Variants in PACS2 observed in about 807,000 individuals in gnomAD.
PACS2 encodes the protein PACS1-like protein.
PACS2 carries 36 observed loss-of-function variants against 113.0 expected under a neutral mutation model. The ratio of observed to expected loss-of-function variants is 0.32; its 90% CI spans 0.24 to 0.42. The LOEUF is 0.42. Among genes scored for constraint, PACS2 ranks in the 10% least tolerant of loss-of-function variants. PACS2 has a pLI of 1.00. For synonymous variants in PACS2, 589 were observed against 536.1 expected (o/e 1.10, Z -1.36); for missense variants, 1,015 against 1,239.5 (o/e 0.82, Z 2.72).
In PACS2 at chr14:105,384,368, C is replaced by T; in HGVS notation, c.1796C>T (p.Ala599Val). 6.2e-7 allele frequency: 1 copy of T among 1,610,310 alleles called. No individual in the cohort carries two copies. Among genetic ancestry groups the T allele is most frequent in the Non-Finnish European group, 8.5e-7 (1 of 1,178,368 alleles). ...TGGCATGCAGGCTCCCACCCCGTGG[C>T]CAGGTACCTAGGCTCCGTGGACTAC... ...LVIPLGSHPV[A>V]RYLGSVDYRY... Residue 599 changes from alanine to valine, a missense_variant, in exon 17 of 25, where the codon GCC (alanine) becomes GTC (valine). Ala to Val is a moderately conservative substitution (Grantham distance 64). Coordinates refer to ENST00000447393, the MANE Select transcript of PACS2 (RefSeq NM_001100913.3).
upstream of PACS2, among the ~76,000 whole-genome samples, chr14:105,312,389 G>C (rs2058372020): frequency 6.6e-6 from 1 of 152,224 alleles, no homozygotes; most frequent in African/African-American, 2.4e-5. Context: ...GGTAGGACCA[G>C]CTTTCAGGTT....
intron 8 of PACS2, among the ~76,000 whole-genome samples, chr14:105,373,681 G>C (rs968765700): frequency 1.3e-5 from 2 of 152,028 alleles, no homozygotes; most frequent in African/African-American, 4.8e-5. Flanking sequence ...CCAGCTACTC[G>C]GAAGGCTGAG....
upstream of PACS2, among the ~76,000 whole-genome samples, chr14:105,313,638 C>T (rs1228792988): frequency 1.3e-5 from 2 of 152,214 alleles, no homozygotes; most frequent in East Asian, 3.8e-4. Context: ...TGGCAAGCCC[C>T]GTGGGCCAGG....
intron 1 of PACS2, among the ~76,000 whole-genome samples, chr14:105,335,096 G>A (rs1248376913): frequency 6.6e-6 from 1 of 152,254 alleles, no homozygotes; most frequent in East Asian, 1.9e-4. Context: ...CCTGATGACT[G>A]GACCCAGCCT....
intron 4 of PACS2, among the ~76,000 whole-genome samples, chr14:105,362,430 A>G (rs1311646653): frequency 6.6e-6 from 1 of 151,072 alleles, no homozygotes; most frequent in African/African-American, 2.5e-5. Context: ...AAAAAAAAAA[A>G]GAAAAGAAAA....
chr14:105,390,927 T>C, intron 20 of PACS2: 1 of 508,840 alleles, frequency 2.0e-6, no homozygotes, highest in Non-Finnish European at 3.5e-6. Context: ...CTGTTTTTAC[T>C]GCACACATAG....
rs1555405418 is a variant in PACS2, at chr14:105,356,914, A to G, written c.423+1737A>G. Among the ~76,000 whole-genome samples, 1 of 132,852 alleles carries G rather than the reference A, an allele frequency of 7.5e-6. No homozygotes were observed. The highest frequency in any genetic ancestry group is 1.5e-5 in the Non-Finnish European group (1 of 65,062). The allele number at this position is 132,852 out of a possible 152,430, so 87.2% of individuals were successfully genotyped here. Reference sequence around the variant, plus strand: ...ATCCCTGCTGGTCCCTGTGTTTCCCATTAGCCATGCAGGCGATGTCCTGCT... The same window carrying G: ...ATCCCTGCTGGTCCCTGTGTTTCCCGTTAGCCATGCAGGCGATGTCCTGCT... On this transcript the variant is annotated intron_variant, in intron 4 of 24. Coordinates refer to ENST00000447393, the MANE Select transcript of PACS2 (RefSeq NM_001100913.3). The surrounding 1 kb of genome is among the most constrained non-coding windows in gnomAD (Gnocchi z 4.0).
In PACS2 at chr14:105,367,196, G is replaced by A. The variant is rs782626237; in HGVS notation, c.424-17G>A. 10 of 1,610,608 alleles carry A rather than the reference G, an allele frequency of 6.2e-6. No homozygotes were observed. The highest frequency in any genetic ancestry group is 2.2e-5 in the South Asian group (2 of 91,024). ...TCCCGTCGTGCTGCTTTCTAGAACCGTGCCCCTGGCCTGCAGGTGATGCAA... is the reference window on the plus strand; with the variant it reads ...TCCCGTCGTGCTGCTTTCTAGAACCATGCCCCTGGCCTGCAGGTGATGCAA... On this transcript the variant is annotated splice_polypyrimidine_tract_variant and intron_variant, in intron 4 of 24. Coordinates refer to ENST00000447393, the MANE Select transcript of PACS2 (RefSeq NM_001100913.3).
intron 9 of PACS2, among the ~76,000 whole-genome samples, 178 bp from the exon 10 acceptor site, chr14:105,379,561 C>T (rs1555411359): frequency 6.6e-6 from 1 of 152,198 alleles, no homozygotes; most frequent in East Asian, 1.9e-4. Context: ...ATTCTGTGCC[C>T]TGTGCTGCAG....
chr14:105,360,829 G>A (rs940521099), intron 4 of PACS2, among the ~76,000 whole-genome samples: 4 of 152,168 alleles, frequency 2.6e-5, no homozygotes, highest in South Asian at 2.1e-4. Flanking sequence ...CTCAAACCCC[G>A]TTGCTGCGTT....
chr14:105,364,196 G>T (rs1021009487), intron 4 of PACS2, among the ~76,000 whole-genome samples: 3 of 152,198 alleles, frequency 2.0e-5, no homozygotes, highest in Non-Finnish European at 2.9e-5. Context: ...CTTGATGCAG[G>T]GTTGCCAAAA....
intron 1 of PACS2, among the ~76,000 whole-genome samples, chr14:105,339,566 C>T (rs587693356): frequency 8.1e-5 from 12 of 148,242 alleles, no homozygotes; most frequent in African/African-American, 3.0e-4. Flanking sequence ...TGTGGTGGCT[C>T]ATGCCTGCAA....
intron 4 of PACS2, among the ~76,000 whole-genome samples, chr14:105,359,373 T>C (rs1282620914): frequency 2.0e-5 from 3 of 151,900 alleles, no homozygotes; most frequent in African/African-American, 7.3e-5. Flanking sequence ...AGTGGCGCGA[T>C]CTCAGTTCAC....
At chr14:105,309,776 C>CT (rs928875653), upstream of PACS2, among the ~76,000 whole-genome samples, 2,576 of 89,236 alleles carry the variant, frequency 0.029, 216 homozygotes, top group East Asian at 0.047. The surrounding 1 kb of genome is among the most constrained non-coding windows in gnomAD (Gnocchi z 4.0). Flanking sequence ...TGATGTGTGT[C>CT]TTTTTTTTTT....
Position 105,348,726 on chromosome 14 carries a change from G to C in PACS2, c.207+146G>C, listed in dbSNP as rs2060037375. 4.5e-6 allele frequency: 3 copies of C among 664,652 alleles called. No individual in the cohort carries two copies. The highest frequency in any genetic ancestry group is 8.1e-6 in the Non-Finnish European group (3 of 370,622). The allele number at this position is 664,652 out of a possible 1,614,324, so 41.2% of individuals were successfully genotyped here. ...CCATCTCCGGGAGCCCGGGGGGCTG[G>C]GAATGACAGGATGCTCCTGGGTCCA... On this transcript the variant is annotated intron_variant, in intron 2 of 24. Coordinates refer to ENST00000447393, the MANE Select transcript of PACS2 (RefSeq NM_001100913.3). This position sits in a 1 kb window ranked among gnomAD's most constrained non-coding sequence, Gnocchi z 6.4.
rs1555413169 is a variant in PACS2, at chr14:105,384,870, C to T, written c.1892-9C>T. On this transcript the variant is annotated splice_polypyrimidine_tract_variant and intron_variant, in intron 17 of 24. Transcript: ENST00000447393. ...CAGCCTAACCCCCCACCGCCTCCTCCCCCTGCAGTACAGGACACGCCAGAC... is the reference window on the plus strand; with the variant it reads ...CAGCCTAACCCCCCACCGCCTCCTCTCCCTGCAGTACAGGACACGCCAGAC... 1 of 1,547,574 alleles carries T rather than the reference C, an allele frequency of 6.5e-7. No homozygotes were observed. Among genetic ancestry groups the T allele is most frequent in the South Asian group, 1.2e-5 (1 of 85,100 alleles).
intron 16 of PACS2, chr14:105,384,109 G>A (rs2081089495): frequency 5.8e-6 from 3 of 517,914 alleles, no homozygotes; most frequent in Non-Finnish European, 7.0e-6. Flanking sequence ...TGCCCTGCTG[G>A]GCCTTCCTCA....
At chr14:105,347,935 G>A (rs2060004280) in intron 1 of PACS2, among the ~76,000 whole-genome samples, 1 of 152,236 alleles carries the variant, frequency 6.6e-6, no homozygotes, top group African/African-American at 2.4e-5. Context: ...GACACTGGGT[G>A]TGTCCTTCAG....
intron 2 of PACS2, among the ~76,000 whole-genome samples, chr14:105,349,077 A>G (rs966134401): frequency 2.0e-5 from 3 of 152,330 alleles, no homozygotes; most frequent in East Asian, 3.9e-4. Flanking sequence ...TAGCGGTTCC[A>G]GAGGGGTCAT....
Sources: allele counts gnomAD v4.1 joint callset (sites outside exome capture counted in the v4.1 genomes callset), GRCh38; gene constraint gnomAD v4.1.1; non-coding constraint Gnocchi (gnomAD v3.1); transcripts MANE v1.5; gene names NCBI Gene and HGNC (gene_info 2026-07-23, HGNC 2026-07-21).